RNF125: variants seen among roughly 807,000 people sequenced by gnomAD.
RNF125 encodes ring finger protein 125.
Under a neutral mutation model 26.0 loss-of-function variants are expected in RNF125, and 21 were observed. The ratio of observed to expected loss-of-function variants is 0.81; its 90% CI spans 0.57 to 1.16. The LOEUF is 1.16. Among genes scored for constraint, RNF125 ranks in the 50% most tolerant of loss-of-function variants. The probability of loss-of-function intolerance (pLI) is 0.00; values close to 1 mark genes in which losing one functional copy is unlikely to be tolerated. For missense variants in RNF125, 270 were observed against 299.4 expected, an observed-to-expected ratio of 0.90 and a Z score of 0.72; for synonymous variants, 95 against 109.2, an observed-to-expected ratio of 0.87 and a Z score of 0.81.
chr18:32,072,727 CTCTT>C lies in RNF125; in HGVS notation c.*4345_*4348del, dbSNP rs1350717986. On this transcript the variant is annotated 3_prime_UTR_variant, in exon 6 of 6. Coordinates refer to ENST00000217740, the MANE Select transcript of RNF125 (RefSeq NM_017831.4). ...TGATTACCAACAAAAAAGTTTCACT[CTCTT>C]TATAGTGCTTCAGGATACAACTTTT... The C allele has an allele frequency of 4.6e-5, 7 of 152,194 alleles. No individual in the cohort carries two copies. The highest frequency in any genetic ancestry group is 1.7e-4 in the African/African-American group (7 of 41,450). 9.4% of individuals were successfully genotyped at this position (152,194 alleles called of 1,614,324 possible).
chr18:32,066,010 G>T lies in RNF125; in HGVS notation c.612+1G>T. On this transcript the variant is annotated splice_donor_variant, in intron 5 of 5. Transcript: ENST00000217740. LOFTEE classifies it high-confidence loss of function. Reference sequence around the variant, plus strand: ...CACTTTGTTTTATGATGATTTCATAGTAAGTATATTTTCTTATTTTTACAT... The same window carrying T: ...CACTTTGTTTTATGATGATTTCATATTAAGTATATTTTCTTATTTTTACAT... 1 of 1,538,538 alleles carries T rather than the reference G, an allele frequency of 6.5e-7. No individual in the cohort carries two copies. The highest frequency in any genetic ancestry group is 9.0e-7 in the Non-Finnish European group (1 of 1,111,530).
At chr18:32,045,553 T>G (rs543715142) in intron 3 of RNF125, 89 bp from the exon 4 acceptor site, 1 of 789,218 alleles carries the variant, frequency 1.3e-6, no homozygotes, top group African/African-American at 1.9e-5. Context: ...AGAGCAAGAC[T>G]CTTGTCTCAA....
In RNF125 at chr18:32,050,568, G is replaced by C. The variant is rs1264506910; in HGVS notation, c.504+4836G>C. Among the ~76,000 whole-genome samples the C allele has an allele frequency of 3.3e-5, 5 of 152,078 alleles. No individual in the cohort carries two copies. The South Asian group carries it at 6.2e-4, about 19-fold the overall frequency. ...TGCCCAGGCTGGTCTCAAATTCCTGGCTTCGAGCTATCCTCCCACCTTGGC... is the reference window on the plus strand; with the variant it reads ...TGCCCAGGCTGGTCTCAAATTCCTGCCTTCGAGCTATCCTCCCACCTTGGC... On this transcript the variant is annotated intron_variant, in intron 4 of 5. Coordinates refer to ENST00000217740, the MANE Select transcript of RNF125 (RefSeq NM_017831.4).
At chr18:32,053,190 C>T (rs1041172354) in intron 4 of RNF125, among the ~76,000 whole-genome samples, 15 of 151,954 alleles carry the variant, frequency 9.9e-5, no homozygotes, top group African/African-American at 3.6e-4. Flanking sequence ...TGGAGAAACC[C>T]CGTTTCTACT....
chr18:32,027,954 C>T (rs1250792215), intron 1 of RNF125, among the ~76,000 whole-genome samples: 1 of 151,952 alleles, frequency 6.6e-6, no homozygotes, highest in Non-Finnish European at 1.5e-5. Flanking sequence ...AGGGGCAAAG[C>T]TGTTCTTGTT....
chr18:32,026,609 A>G lies in RNF125; in HGVS notation c.164+7582A>G, dbSNP rs563951253. ...GCATTTCATGCTTCTTTTTCCCCAG[A>G]CCCTCCCAGCACCCCCTCTTTAGGG... On this transcript the variant is annotated intron_variant, in intron 1 of 5. Transcript: ENST00000217740. Among the ~76,000 whole-genome samples the G allele has an allele frequency of 1.4e-4, 21 of 150,522 alleles. No individual in the cohort carries two copies. In the South Asian group the frequency reaches 4.4e-3, roughly 32 times the overall value.
At chr18:32,040,842 C>A (rs1405751370) in intron 2 of RNF125, among the ~76,000 whole-genome samples, 2 of 152,050 alleles carry the variant, frequency 1.3e-5, no homozygotes, top group Admixed American at 1.3e-4. Flanking sequence ...CATGAGAGAA[C>A]CCTAATGTGC....
intron 1 of RNF125, among the ~76,000 whole-genome samples, chr18:32,026,986 C>A (rs990343349): frequency 6.6e-6 from 1 of 152,206 alleles, no homozygotes; most frequent in African/African-American, 2.4e-5. Flanking sequence ...GGGTTTAAGA[C>A]AGAGGAAAAC....
chr18:32,080,482 T>G, the RNF125 span, among the ~76,000 whole-genome samples: 1 of 152,206 alleles, frequency 6.6e-6, no homozygotes, highest in Non-Finnish European at 1.5e-5. Context: ...ATTTCCGCCT[T>G]GAGGCATGCT....
At chr18:32,023,408 C>T (rs968559427) in intron 1 of RNF125, among the ~76,000 whole-genome samples, 5 of 152,154 alleles carry the variant, frequency 3.3e-5, no homozygotes, top group Non-Finnish European at 7.4e-5. Flanking sequence ...CTGCCTCGGC[C>T]TCCCAAAGTG....
chr18:32,048,771 C>T (rs1410215163), intron 4 of RNF125, among the ~76,000 whole-genome samples: 1 of 152,104 alleles, frequency 6.6e-6, no homozygotes, highest in African/African-American at 2.4e-5. Flanking sequence ...GGAGCAGAGC[C>T]GATGGTCACG....
At chr18:32,034,282 G>A (rs2039128841) in intron 1 of RNF125, among the ~76,000 whole-genome samples, 1 of 152,110 alleles carries the variant, frequency 6.6e-6, no homozygotes, top group African/African-American at 2.4e-5. Context: ...GATCTTCTCT[G>A]TGGTTCATCC....
the RNF125 span, among the ~76,000 whole-genome samples, chr18:32,080,844 C>T: frequency 6.6e-6 from 1 of 152,310 alleles, no homozygotes; most frequent in Admixed American, 6.5e-5. Context: ...CCACTGCACT[C>T]TAGCCTGGGG....
intron 1 of RNF125, among the ~76,000 whole-genome samples, chr18:32,023,885 C>T (rs1304045540): frequency 1.3e-5 from 2 of 152,106 alleles, no homozygotes; most frequent in African/African-American, 4.8e-5. Context: ...AGTGAGACCC[C>T]ATCTCTACTA....
chr18:32,025,791 C>T (rs2039028918), intron 1 of RNF125, among the ~76,000 whole-genome samples: 1 of 151,950 alleles, frequency 6.6e-6, no homozygotes, highest in Admixed American at 6.6e-5. Context: ...CAGAAGTCCC[C>T]TCTAGGCCTC....
the RNF125 span, among the ~76,000 whole-genome samples, chr18:32,078,345 A>G: frequency 7.2e-5 from 11 of 152,352 alleles, no homozygotes; most frequent in Non-Finnish European, 1.3e-4. Context: ...ATAATGACAA[A>G]AAAAGGAGTG....
At chr18:32,079,908 G>A in the RNF125 span, among the ~76,000 whole-genome samples, 3 of 152,236 alleles carry the variant, frequency 2.0e-5, no homozygotes, top group African/African-American at 7.2e-5. Context: ...ATTGGCTCTA[G>A]ATGTTACAGT....
rs371872089 is a variant in RNF125, at chr18:32,033,969, TAAAA to T, written c.165-3136_165-3133del. ...GTTCTGTGTGCTAACAACATACCTT[TAAAA>T]AAAAAAAAAAGAAAACCAAATACTG... On this transcript the variant is annotated intron_variant, in intron 1 of 5. Coordinates refer to ENST00000217740, the MANE Select transcript of RNF125 (RefSeq NM_017831.4). 2.1e-5 allele frequency among the ~76,000 whole-genome samples: 3 copies of T among 139,578 alleles called. No individual in the cohort carries two copies. The East Asian group carries it at 6.2e-4, about 29-fold the overall frequency. The allele number at this position is 139,578 out of a possible 152,430, so 91.6% of individuals were successfully genotyped here.
rs2039543500 is a variant in RNF125 at position 32,072,688 on chromosome 18, A to G, written c.*4304A>G. The G allele has an allele frequency of 6.6e-6, 1 of 152,234 alleles. No homozygotes were observed. The highest frequency in any genetic ancestry group is 2.4e-5 in the African/African-American group (1 of 41,460). 9.4% of individuals were successfully genotyped at this position (152,234 alleles called of 1,614,324 possible). A position where few individuals can be genotyped will look rare whatever the true frequency, so the allele number is the denominator to read the frequency against. On this transcript the variant is annotated 3_prime_UTR_variant, in exon 6 of 6. Transcript: ENST00000217740. ...ATTTATAATTCGTTGATAAAAACCA[A>G]TATTTGAAGCTGTTGATTACCAACA...
Sources: gnomAD v4.1 joint callset for allele counts (sites outside exome capture counted in the v4.1 genomes callset) on GRCh38, gnomAD v4.1.1 for gene constraint, MANE v1.5 for transcripts, NCBI Gene and HGNC (gene_info 2026-07-23, HGNC 2026-07-21) for gene names.